Variants in ARHGEF5 observed in about 807,000 individuals in gnomAD.
The protein encoded by ARHGEF5 is Rho guanine nucleotide exchange factor (GEF) 5.
ARHGEF5 carries 11 observed loss-of-function variants against 104.0 expected under a neutral mutation model. The ratio of observed to expected loss-of-function variants is 0.11; its 90% confidence interval spans 0.07 to 0.18. The LOEUF (loss-of-function observed/expected upper bound fraction) is 0.18. ARHGEF5 is among the 10% of genes least tolerant of loss of function. The probability of loss-of-function intolerance (pLI) is 1.00; values close to 1 mark genes in which losing one functional copy is unlikely to be tolerated. For missense variants in ARHGEF5, 165 were observed against 1,335.4 expected, an observed-to-expected ratio of 0.12 and a Z score of 13.66; for synonymous variants, 60 against 512.2, an observed-to-expected ratio of 0.12 and a Z score of 11.92.
chr7:144,380,159 G>A lies in ARHGEF5; in HGVS notation c.*103G>A. 1 of 1,454,372 alleles carries A rather than the reference G, an allele frequency of 6.9e-7. No individual in the cohort carries two copies. The highest frequency in any genetic ancestry group is 9.4e-7 in the Non-Finnish European group (1 of 1,063,918). 90.1% of individuals were successfully genotyped at this position (1,454,372 alleles called of 1,614,324 possible). A position where few individuals can be genotyped will look rare whatever the true frequency, so the allele number is the denominator to read the frequency against. On this transcript the variant is annotated 3_prime_UTR_variant, in exon 15 of 15. Transcript: ENST00000056217. ...AGGCCTTCTGTGGATGGAGAACTAG[G>A]CCTTCTCAAAGCTCAAGGACAAAAT...
chr7:144,379,149 C>G (rs568993128), intron 14 of ARHGEF5, among the ~76,000 whole-genome samples: 5 of 152,322 alleles, frequency 3.3e-5, no homozygotes, highest in African/African-American at 1.2e-4. Context: ...CAATCTCTGC[C>G]TCTGTCTTCC....
intron 13 of ARHGEF5, 135 bp downstream of exon 13, chr7:144,377,325 T>C: frequency 6.7e-7 from 1 of 1,498,266 alleles, no homozygotes; most frequent in Middle Eastern, 1.7e-4. Context: ...GGTGGAAGAT[T>C]GGCCTCTAGA....
Position 144,380,188 on chromosome 7 carries a change from G to C in ARHGEF5, c.*132G>C. The C allele has an allele frequency of 8.1e-7, 1 of 1,229,220 alleles. No individual in the cohort carries two copies. Among genetic ancestry groups the C allele is most frequent in the East Asian group, 2.4e-5 (1 of 41,028 alleles). 76.1% of individuals were successfully genotyped at this position (1,229,220 alleles called of 1,614,324 possible). On this transcript the variant is annotated 3_prime_UTR_variant, in exon 15 of 15. Coordinates refer to ENST00000056217, the MANE Select transcript of ARHGEF5 (RefSeq NM_005435.4). ...TCTCAAAGCTCAAGGACAAAATCCA[G>C]CTAACCCAGTCCCTCGGCCCAGGCC...
rs754550612 is a variant in ARHGEF5 at position 144,380,203 on chromosome 7, C to T, written c.*147C>T. The T allele has an allele frequency of 8.2e-5, 83 of 1,017,794 alleles. No individual in the cohort carries two copies. The highest frequency in any genetic ancestry group is 2.9e-4 in the South Asian group (17 of 58,948). 63.0% of individuals were successfully genotyped at this position (1,017,794 alleles called of 1,614,324 possible). A position where few individuals can be genotyped will look rare whatever the true frequency, so the allele number is the denominator to read the frequency against. On this transcript the variant is annotated 3_prime_UTR_variant, in exon 15 of 15. Coordinates refer to ENST00000056217, the MANE Select transcript of ARHGEF5 (RefSeq NM_005435.4). Reference sequence around the variant, plus strand: ...ACAAAATCCAGCTAACCCAGTCCCTCGGCCCAGGCCTCCTTTCGTGCTTTG... The same window carrying T: ...ACAAAATCCAGCTAACCCAGTCCCTTGGCCCAGGCCTCCTTTCGTGCTTTG...
chr7:144,360,364 G>A (rs1473148848), intron 1 of ARHGEF5, among the ~76,000 whole-genome samples: 1 of 99,624 alleles, frequency 1.0e-5, no homozygotes, highest in Non-Finnish European at 2.1e-5. Flanking sequence ...ACCTGCCTCA[G>A]CCTCCCAGAG....
intron 13 of ARHGEF5, among the ~76,000 whole-genome samples, chr7:144,377,962 G>T (rs957032427): frequency 6.6e-6 from 1 of 152,146 alleles, no homozygotes; most frequent in African/African-American, 2.4e-5. Context: ...GGCAGATGGG[G>T]AGGATCTTGA....
At chr7:144,373,818 T>C (rs1163659726) in intron 10 of ARHGEF5, among the ~76,000 whole-genome samples, 1 of 145,916 alleles carries the variant, frequency 6.9e-6, no homozygotes, top group Non-Finnish European at 1.5e-5. Flanking sequence ...CATTCCACAT[T>C]CAAATTCCAA....
At position 144,379,847 on chromosome 7, in the gene ARHGEF5, G is replaced by A. The variant is rs2053787963; in HGVS notation, c.4637-52G>A. ...CTCTCCAGGAAGGTGATCCAGAGAA[G>A]CTATCGTGAGCCTTTCCCAGGTAAT... is the stretch of plus-strand genomic sequence containing the variant. On this transcript the variant is annotated intron_variant, in intron 14 of 14. Transcript: ENST00000056217. 2.5e-6 allele frequency: 4 copies of A among 1,607,230 alleles called. No homozygotes were observed. The East Asian group carries it at 8.9e-5, about 36-fold the overall frequency.
intron 14 of ARHGEF5, among the ~76,000 whole-genome samples, chr7:144,379,152 T>C (rs1364879782): frequency 6.6e-6 from 1 of 152,212 alleles, no homozygotes; most frequent in Admixed American, 6.5e-5. Context: ...TCTCTGCCTC[T>C]GTCTTCCTGT....
chr7:144,363,287 G>T lies in ARHGEF5; in HGVS notation c.618G>T (p.Gln206His), dbSNP rs760540425. 3.8e-6 allele frequency: 6 copies of T among 1,592,838 alleles called. 1 individual carries two copies. Among genetic ancestry groups the T allele is most frequent in the Non-Finnish European group, 5.2e-6 (6 of 1,164,608 alleles). ...GCTCTGAAAGTGGGACTATCAGGCA[G>T]GGGGAAGAGCTGCCACCTGAGGAGC... is the stretch of plus-strand genomic sequence containing the variant. ...NEGSESGTIRQGEELPPEELQ... is the reference protein window; with the variant it reads ...NEGSESGTIRHGEELPPEELQ... The change falls in exon 2 of 15, where the codon CAG becomes CAT. Residue 206 changes from glutamine to histidine, a missense_variant. Gln to His is a conservative substitution (Grantham distance 24). Coordinates refer to ENST00000056217, the MANE Select transcript of ARHGEF5 (RefSeq NM_005435.4).
At position 144,365,445 on chromosome 7, in the gene ARHGEF5, AG is replaced by A; in HGVS notation, c.2777del (p.Ser926ThrfsTer3). 1 of 1,529,986 alleles carries A rather than the reference AG, an allele frequency of 6.5e-7. No homozygotes were observed. Among genetic ancestry groups the A allele is most frequent in the Non-Finnish European group, 9.0e-7 (1 of 1,116,696 alleles). The allele number at this position is 1,529,986 out of a possible 1,614,324, so 94.8% of individuals were successfully genotyped here. On this transcript the variant is annotated frameshift_variant, in exon 2 of 15. Transcript: ENST00000056217. LOFTEE classifies it high-confidence loss of function. ...CGAAGTGTCCCCTGGCATGGCTTTC[AG>A]CAACATGACAAACTTCCTATGCCCC... is the stretch of plus-strand genomic sequence containing the variant. ...KSEVSPGMAF[S>X]NMTNFLCPSS... is the part of the protein sequence containing the mutation.
In ARHGEF5 at chr7:144,363,179, G is replaced by C. The variant is rs2053656348; in HGVS notation, c.510G>C (p.Glu170Asp). 6.3e-7 allele frequency: 1 copy of C among 1,581,488 alleles called. No homozygotes were observed. Among genetic ancestry groups the C allele is most frequent in the African/African-American group, 1.4e-5 (1 of 72,210 alleles). ...TLGSGQAEEE[E>D]ETSSDNSGQT... Reference sequence around the variant, plus strand: ...GATCTGGACAGGCAGAAGAAGAAGAGGAAACCTCTTCAGATAACTCTGGTC... The same window carrying C: ...GATCTGGACAGGCAGAAGAAGAAGACGAAACCTCTTCAGATAACTCTGGTC... Residue 170 changes from glutamate to aspartate, a missense_variant, in exon 2 of 15, where the codon GAG becomes GAC. Transcript: ENST00000056217.
Position 144,378,872 on chromosome 7 carries a change from C to T in ARHGEF5, c.4636+6C>T, listed in dbSNP as rs369156191. 1.3e-5 allele frequency: 21 copies of T among 1,612,558 alleles called. No homozygotes were observed. Among genetic ancestry groups the T allele is most frequent in the Admixed American group, 3.3e-5 (2 of 59,986 alleles). On this transcript the variant is annotated splice_donor_region_variant and intron_variant, in intron 14 of 14. Transcript: ENST00000056217. Reference sequence around the variant, plus strand: ...GACTCAGCAGAGCAGTGACGGTAAGCGGGAGCATGCGTGAGCAGCAGGCCA... The same window carrying T: ...GACTCAGCAGAGCAGTGACGGTAAGTGGGAGCATGCGTGAGCAGCAGGCCA...
chr7:144,370,697 C>T (rs1456645118), intron 5 of ARHGEF5, among the ~76,000 whole-genome samples: 1 of 148,690 alleles, frequency 6.7e-6, no homozygotes, highest in East Asian at 1.9e-4. Context: ...AACTCCCAGA[C>T]TCAAGTGATG....
chr7:144,357,718 A>G (rs1161826097), intron 1 of ARHGEF5, among the ~76,000 whole-genome samples: 1 of 151,584 alleles, frequency 6.6e-6, no homozygotes, highest in African/African-American at 2.4e-5. Flanking sequence ...GACAAGAGCT[A>G]AGGTGTTGGG....
At chr7:144,357,166 C>T (rs1255276474) in intron 1 of ARHGEF5, among the ~76,000 whole-genome samples, 2 of 135,564 alleles carry the variant, frequency 1.5e-5, no homozygotes, top group African/African-American at 6.0e-5. Context: ...AACAAAGTCA[C>T]CCTCAAGGTC....
chr7:144,378,362 C>G (rs528058340), intron 13 of ARHGEF5, among the ~76,000 whole-genome samples: 14 of 152,290 alleles, frequency 9.2e-5, no homozygotes, highest in Middle Eastern at 3.4e-3. Context: ...ATTTTATAAT[C>G]CAGTTGGAGA....
At chr7:144,379,242 C>CA (rs967529141) in intron 14 of ARHGEF5, among the ~76,000 whole-genome samples, 2 of 152,048 alleles carry the variant, frequency 1.3e-5, no homozygotes, top group African/African-American at 2.4e-5. Context: ...ATTTTTGAGA[C>CA]AGAGTCTTGC....
At chr7:144,378,181 CATCTG>C (rs2053774876) in intron 13 of ARHGEF5, among the ~76,000 whole-genome samples, 2 of 152,160 alleles carry the variant, frequency 1.3e-5, no homozygotes, top group African/African-American at 4.8e-5. Context: ...CCTCAAGATT[CATCTG>C]ATCAACCTTG....
Sources: allele counts gnomAD v4.1 joint callset (sites outside exome capture counted in the v4.1 genomes callset), GRCh38; gene constraint gnomAD v4.1.1; transcripts MANE v1.5; gene names NCBI Gene and HGNC (gene_info 2026-07-23, HGNC 2026-07-21).